The following KIF5C variants were observed in gnomAD, a reference collection of about 807,000 sequenced individuals.
KIF5C encodes kinesin family member 5C.
Under a neutral mutation model 125.2 loss-of-function variants are expected in KIF5C, and 18 were observed. That is an observed-to-expected ratio of 0.14 (90% confidence interval 0.10 to 0.21). The LOEUF (loss-of-function observed/expected upper bound fraction) is 0.21, where lower values mean the gene tolerates loss of function less well. Among genes scored for constraint, KIF5C ranks in the 10% least tolerant of loss-of-function variants. KIF5C has a pLI of 1.00. For synonymous variants in KIF5C, 405 were observed against 434.0 expected, an observed-to-expected ratio of 0.93 and a Z score of 0.83; for missense variants, 780 against 1,183.8, an observed-to-expected ratio of 0.66 and a Z score of 5.01.
At chr2:148,967,195 C>T (rs530961542) in intron 11 of KIF5C, among the ~76,000 whole-genome samples, 2 of 152,338 alleles carry the variant, frequency 1.3e-5, no homozygotes, top group East Asian at 1.9e-4. Flanking sequence ...ACCCACTGGC[C>T]TGGTTCCGTT....
At chr2:148,979,316 T>C (rs1280636699) in intron 13 of KIF5C, among the ~76,000 whole-genome samples, 1 of 152,200 alleles carries the variant, frequency 6.6e-6, no homozygotes, top group Non-Finnish European at 1.5e-5. Context: ...ACAGGGTCTC[T>C]CTGTTGTCCA....
chr2:149,010,469 G>A, intron 24 of KIF5C, 118 bp downstream of exon 24: 1 of 1,439,942 alleles, frequency 6.9e-7, no homozygotes, highest in Non-Finnish European at 9.1e-7. Flanking sequence ...AGGCTGGGTT[G>A]GAGCCCGCAG....
intron 25 of KIF5C, among the ~76,000 whole-genome samples, chr2:149,013,915 A>G (rs1682283621): frequency 6.6e-6 from 1 of 152,126 alleles, no homozygotes; most frequent in East Asian, 1.9e-4. Context: ...ACCCTCACCC[A>G]TTGTGGCATT....
chr2:148,971,808 C>T (rs1680920115), intron 11 of KIF5C, among the ~76,000 whole-genome samples: 1 of 152,190 alleles, frequency 6.6e-6, no homozygotes, highest in South Asian at 2.1e-4. Context: ...CAGAACTAAA[C>T]TATCACAGTG....
rs1682648245 is a variant in KIF5C, at chr2:149,024,989, A to G, written c.*1919A>G. ...GGATTGCCAATTATTAATTGTCATT[A>G]CCACTACTCTCCATTACTTTTTGTT... is the stretch of plus-strand genomic sequence containing the variant. On this transcript the variant is annotated 3_prime_UTR_variant, in exon 26 of 26. Transcript: ENST00000435030. 6.6e-6 allele frequency: 1 copy of G among 152,144 alleles called. No individual in the cohort carries two copies. The allele number at this position is 152,144 out of a possible 1,614,324, so 9.4% of individuals were successfully genotyped here.
chr2:148,926,432 T>C (rs1464435804), intron 2 of KIF5C, among the ~76,000 whole-genome samples: 5 of 152,186 alleles, frequency 3.3e-5, no homozygotes, highest in South Asian at 2.1e-4. Flanking sequence ...TGTGGAAACA[T>C]TGTTTCTGCA....
In KIF5C at chr2:148,998,414, G is replaced by C. The variant is rs368189037; in HGVS notation, c.2115G>C (p.Gln705His). Reference sequence around the variant, plus strand: ...CTGGGATGCAGAAGGCGCTGGAGCAGCAGATGGAGAGCCACCGGGAAGCTC... The same window carrying C: ...CTGGGATGCAGAAGGCGCTGGAGCACCAGATGGAGAGCCACCGGGAAGCTC... Reference protein sequence around the residue: ...DAEEMKKALEQQMESHREAHQ... With the variant: ...DAEEMKKALEHQMESHREAHQ... Residue 705 changes from glutamine to histidine, a missense_variant, in exon 19 of 26, where the codon CAG (glutamine) becomes CAC (histidine). By Grantham distance (24) the Gln-to-His change is conservative. Around this residue, in one of 2 missense-constraint regions of KIF5C, gnomAD observed 573 missense variants for 742.6 expected, o/e 0.77. Transcript: ENST00000435030. 7 of 1,563,396 alleles carry C rather than the reference G, an allele frequency of 4.5e-6. No homozygotes were observed. The highest frequency in any genetic ancestry group is 6.1e-6 in the Non-Finnish European group (7 of 1,153,812).
intron 1 of KIF5C, chr2:148,879,061 T>C (rs1410733356): frequency 1.3e-5 from 2 of 152,242 alleles, no homozygotes; most frequent in Non-Finnish European, 2.9e-5. Flanking sequence ...CCTGCAGTTT[T>C]TCAGCTTTGT....
chr2:148,935,121 A>G (rs1173762369), intron 3 of KIF5C: 1 of 376,484 alleles, frequency 2.7e-6, no homozygotes, highest in Non-Finnish European at 5.2e-6. Context: ...CTTTTCTCAC[A>G]TTGATTTTAG....
At chr2:148,875,839 C>A in intron 1 of KIF5C, 96 bp downstream of exon 1, 2 of 1,476,160 alleles carry the variant, frequency 1.4e-6, no homozygotes, top group South Asian at 1.4e-5. Context: ...GCCGCCCCCT[C>A]GGACATTCCC....
intron 11 of KIF5C, among the ~76,000 whole-genome samples, chr2:148,963,824 A>G (rs1558920717): frequency 6.6e-6 from 1 of 152,206 alleles, no homozygotes; most frequent in East Asian, 1.9e-4. Context: ...ATCTCTTGCC[A>G]AACTTTAACC....
intron 4 of KIF5C, among the ~76,000 whole-genome samples, chr2:148,940,749 G>A (rs1241299436): frequency 2.0e-5 from 3 of 152,170 alleles, no homozygotes; most frequent in Non-Finnish European, 4.4e-5. Context: ...CCTAGAGGGG[G>A]ATTTTTGACA....
chr2:148,875,733 T>C lies in KIF5C; in HGVS notation c.116T>C (p.Val39Ala), dbSNP rs1190316056. ...CCCAAATTTAAAGGCGATGAGACCG[T>C]GGTGATCGGGGTAAGTGGCTGGGGC... Reference protein sequence around the residue: ...FIPKFKGDETVVIGQGKPYVF... With the variant: ...FIPKFKGDETAVIGQGKPYVF... The change falls in exon 1 of 26, where the codon GTG (valine) becomes GCG (alanine). Residue 39 changes from valine (V) to alanine (A), a missense_variant. Transcript: ENST00000435030. The C allele has an allele frequency of 6.2e-7, 1 of 1,604,742 alleles. No homozygotes were observed. The highest frequency in any genetic ancestry group is 1.3e-5 in the African/African-American group (1 of 74,718).
intron 15 of KIF5C, 23 bp from the exon 16 acceptor site, chr2:148,990,987 A>G (rs368612834): frequency 1.2e-6 from 2 of 1,604,544 alleles, no homozygotes; most frequent in Non-Finnish European, 1.7e-6. Flanking sequence ...GCAACATTTG[A>G]GTGTGTCCCC....
chr2:148,929,926 A>G (rs1682134740), intron 3 of KIF5C, among the ~76,000 whole-genome samples: 1 of 152,160 alleles, frequency 6.6e-6, no homozygotes, highest in Non-Finnish European at 1.5e-5. Context: ...GGTGAATTTC[A>G]CCATAATATA....
intron 7 of KIF5C, among the ~76,000 whole-genome samples, 169 bp downstream of exon 7, chr2:148,942,929 G>A (rs924001909): frequency 9.2e-5 from 14 of 152,176 alleles, no homozygotes; most frequent in Non-Finnish European, 1.6e-4. Context: ...GTATGTCTAG[G>A]CAGTCATGGG....
At chr2:148,957,592 TAAAAAA>T (rs201033625) in intron 10 of KIF5C, among the ~76,000 whole-genome samples, 1 of 71,824 alleles carries the variant, frequency 1.4e-5, no homozygotes, top group Admixed American at 1.6e-4. Flanking sequence ...TTTGTTCTAG[TAAAAAA>T]AAAAAAAAAA....
chr2:148,960,402 G>C (rs933824448), intron 10 of KIF5C, among the ~76,000 whole-genome samples: 1 of 152,212 alleles, frequency 6.6e-6, no homozygotes, highest in Non-Finnish European at 1.5e-5. Flanking sequence ...ATGGATGCTT[G>C]TAATGTTTGT....
intron 1 of KIF5C, among the ~76,000 whole-genome samples, chr2:148,913,695 C>T (rs948105430): frequency 2.6e-5 from 4 of 152,166 alleles, no homozygotes; most frequent in African/African-American, 9.7e-5. Flanking sequence ...AGAGGTTTGT[C>T]GAGCGGCAGT....
Sources: allele counts gnomAD v4.1 joint callset (sites outside exome capture counted in the v4.1 genomes callset), GRCh38; gene constraint gnomAD v4.1.1; regional missense constraint gnomAD v4.1.1; transcripts MANE v1.5; gene names NCBI Gene and HGNC (gene_info 2026-07-23, HGNC 2026-07-21).